SLC14A2: variants seen among roughly 807,000 people sequenced by gnomAD.
SLC14A2 encodes the protein urea transporter 2.
SLC14A2 carries 91 observed loss-of-function variants against 104.6 expected under a neutral mutation model. That is an observed-to-expected ratio of 0.87 (90% CI 0.73 to 1.04). SLC14A2 has a LOEUF of 1.04. Ranked by LOEUF, SLC14A2 falls within the 50% of genes least tolerant of loss-of-function variation. The pLI, the probability that SLC14A2 is intolerant of heterozygous loss-of-function variation, is 0.00. For missense variants in SLC14A2, 1,189 were observed against 1,156.0 expected (o/e 1.03, Z -0.41); for synonymous variants, 476 against 466.4 (o/e 1.02, Z -0.27).
At chr18:45,293,264 T>TTTCA (rs988459123) in intron 1 of SLC14A2, among the ~76,000 whole-genome samples, 10 of 152,156 alleles carry the variant, frequency 6.6e-5, no homozygotes, top group South Asian at 2.1e-4. Flanking sequence ...TCTGGTGTTA[T>TTTCA]TTCATTCATT....
intron 16 of SLC14A2, among the ~76,000 whole-genome samples, chr18:45,672,557 T>C (rs2046158971): frequency 6.7e-6 from 1 of 150,144 alleles, no homozygotes; most frequent in Non-Finnish European, 1.5e-5. Flanking sequence ...TCACAAAGGG[T>C]TTTTAAACCC....
rs576732178 is a variant in SLC14A2 at position 45,469,254 on chromosome 18, T to A, written c.-124-13979T>A. 2.1e-3 allele frequency among the ~76,000 whole-genome samples: 321 copies of A among 152,244 alleles called. 2 individuals carry two copies. Among genetic ancestry groups the A allele is most frequent in the Admixed American group, 4.2e-3 (64 of 15,290 alleles). On this transcript the variant is annotated intron_variant, in intron 1 of 20. Coordinates refer to the SLC14A2 transcript ENST00000586448. ...ATGGACAATTATTTAGGAAAGGGCATCATGTCCAGGCTCCGAAAGCCTTGA... is the reference window on the plus strand; with the variant it reads ...ATGGACAATTATTTAGGAAAGGGCAACATGTCCAGGCTCCGAAAGCCTTGA...
intron 2 of SLC14A2, among the ~76,000 whole-genome samples, chr18:45,538,790 G>A (rs576329874): frequency 1.3e-5 from 2 of 151,424 alleles, no homozygotes; most frequent in African/African-American, 4.9e-5. Flanking sequence ...GTCTGATTCT[G>A]GTCATCATAT....
intron 1 of SLC14A2, among the ~76,000 whole-genome samples, chr18:45,372,302 C>A (rs1328207571): frequency 1.7e-4 from 24 of 139,430 alleles, no homozygotes; most frequent in Non-Finnish European, 3.4e-4. Context: ...ACAAGTGAGA[C>A]CCTGTCTCAA....
chr18:45,346,774 C>A (rs1053811345), intron 1 of SLC14A2, among the ~76,000 whole-genome samples: 4 of 151,806 alleles, frequency 2.6e-5, no homozygotes, highest in Non-Finnish European at 4.4e-5. Flanking sequence ...GAAACCCAGC[C>A]AACATGGTGA....
chr18:45,443,361 G>A (rs1260023985), intron 1 of SLC14A2, among the ~76,000 whole-genome samples: 1 of 152,112 alleles, frequency 6.6e-6, no homozygotes, highest in Non-Finnish European at 1.5e-5. Flanking sequence ...AAATACAACT[G>A]GACAAAAAAA....
At chr18:45,546,909 C>G (rs796136945) in intron 2 of SLC14A2, among the ~76,000 whole-genome samples, 3 of 152,108 alleles carry the variant, frequency 2.0e-5, no homozygotes, top group Non-Finnish European at 4.4e-5. Context: ...ATTTTCATTC[C>G]GTCCTATGGG....
chr18:45,653,783 A>G (rs959607889), intron 10 of SLC14A2, among the ~76,000 whole-genome samples: 2 of 152,052 alleles, frequency 1.3e-5, no homozygotes, highest in African/African-American at 2.4e-5. Flanking sequence ...GAAAGGCAGC[A>G]TCTAGTATTG....
intron 2 of SLC14A2, among the ~76,000 whole-genome samples, chr18:45,487,878 C>A (rs2144718450): frequency 6.6e-6 from 1 of 152,288 alleles, no homozygotes; most frequent in African/African-American, 2.4e-5. Flanking sequence ...GGGAGAATTG[C>A]TGGTGTAACT....
chr18:45,584,286 T>C (rs1220808318), intron 2 of SLC14A2, among the ~76,000 whole-genome samples: 2 of 152,210 alleles, frequency 1.3e-5, no homozygotes, highest in African/African-American at 4.8e-5. Flanking sequence ...TGGGCTAGAC[T>C]AATTTAGGAG....
At position 45,564,605 on chromosome 18, in the gene SLC14A2, C is replaced by T. The variant is rs150243488; in HGVS notation, c.-34-60026C>T. Among the ~76,000 whole-genome samples, 431 of 152,282 alleles carry T rather than the reference C, an allele frequency of 2.8e-3. 5 individuals carry two copies. The highest frequency in any genetic ancestry group is 9.6e-3 in the African/African-American group (398 of 41,548). Reference sequence around the variant, plus strand: ...AGTTTTCAAAGTGGCAGCATCAATGCCCCCCAAAATGAGGAAGGGGATGCC... The same window carrying T: ...AGTTTTCAAAGTGGCAGCATCAATGTCCCCCAAAATGAGGAAGGGGATGCC... On this transcript the variant is annotated intron_variant, in intron 2 of 20. Coordinates refer to the SLC14A2 transcript ENST00000586448.
chr18:45,571,893 C>A (rs958573128), intron 2 of SLC14A2, among the ~76,000 whole-genome samples: 1 of 152,162 alleles, frequency 6.6e-6, no homozygotes, highest in Non-Finnish European at 1.5e-5. Context: ...ATTATCTGTA[C>A]CTACAGTTAT....
intron 1 of SLC14A2, among the ~76,000 whole-genome samples, chr18:45,254,581 A>G (rs991002404): frequency 1.3e-5 from 2 of 152,198 alleles, no homozygotes; most frequent in African/African-American, 4.8e-5. Flanking sequence ...TCATGCTTTG[A>G]AGGCCTGCAG....
In SLC14A2 at chr18:45,231,775, G is replaced by A. The variant is rs78916234; in HGVS notation, c.-125+18584G>A. Among the ~76,000 whole-genome samples, 1,111 of 152,300 alleles carry A rather than the reference G, an allele frequency of 7.3e-3. 6 individuals are homozygous for A. The highest frequency in any genetic ancestry group is 0.011 in the Non-Finnish European group (773 of 68,028). On this transcript the variant is annotated intron_variant, in intron 1 of 20. Coordinates refer to the SLC14A2 transcript ENST00000586448. The stretch of plus-strand genomic sequence containing the variant: ...TCAGTTATGCTATGCTATGGGGTGC[G>A]TATGAGGAATTTGGTAGTTCATTCA...
chr18:45,548,945 T>C (rs755282654), intron 2 of SLC14A2, among the ~76,000 whole-genome samples: 1 of 152,172 alleles, frequency 6.6e-6, no homozygotes, highest in Non-Finnish European at 1.5e-5. Context: ...CAGCAGGTAT[T>C]GTAAAGATCC....
At chr18:45,342,989 C>T (rs557643127) in intron 1 of SLC14A2, among the ~76,000 whole-genome samples, 7 of 152,224 alleles carry the variant, frequency 4.6e-5, no homozygotes, top group South Asian at 2.1e-4. Flanking sequence ...TTACAAACTC[C>T]GAACCATTGT....
chr18:45,268,053 T>C (rs1419892888), intron 1 of SLC14A2, among the ~76,000 whole-genome samples: 1 of 152,172 alleles, frequency 6.6e-6, no homozygotes, highest in East Asian at 1.9e-4. Context: ...CGTAAAATGT[T>C]GTGCATTCAT....
intron 2 of SLC14A2, among the ~76,000 whole-genome samples, chr18:45,566,513 TCG>T (rs201637298): frequency 4.0e-5 from 2 of 49,480 alleles, no homozygotes; most frequent in Non-Finnish European, 5.4e-5. Context: ...GCGCTCACGC[TCG>T]CACACACACA....
At chr18:45,558,785 G>A (rs2044164947) in intron 2 of SLC14A2, among the ~76,000 whole-genome samples, 1 of 152,142 alleles carries the variant, frequency 6.6e-6, no homozygotes, top group Admixed American at 6.5e-5. Context: ...GATAGAGATA[G>A]AATCCTTTGA....
Sources: gnomAD v4.1 joint callset for allele counts (sites outside exome capture counted in the v4.1 genomes callset) on GRCh38, gnomAD v4.1.1 for gene constraint, MANE v1.5 for transcripts, NCBI Gene and HGNC (gene_info 2026-07-23, HGNC 2026-07-21) for gene names.